The following TCF4 variants were observed in gnomAD, a reference collection of about 807,000 sequenced individuals.
TCF4 encodes the protein SL3-3 enhancer factor 2.
Under a neutral mutation model 82.1 loss-of-function variants are expected in TCF4, and 3 were observed. The ratio of observed to expected loss-of-function variants is 0.04; its 90% CI spans 0.02 to 0.09. The LOEUF is 0.09. Ranked by LOEUF, TCF4 falls within the 10% of genes least tolerant of loss-of-function variation. The pLI, the probability that TCF4 is intolerant of heterozygous loss-of-function variation, is 1.00. For synonymous variants in TCF4, 276 were observed against 309.6 expected, an observed-to-expected ratio of 0.89 and a Z score of 1.14; for missense variants, 518 against 852.7, an observed-to-expected ratio of 0.61 and a Z score of 4.89.
chr18:55,258,785 T>C (rs1440780270), intron 13 of TCF4, among the ~76,000 whole-genome samples: 1 of 152,188 alleles, frequency 6.6e-6, no homozygotes, highest in Non-Finnish European at 1.5e-5. Context: ...TACTGACAAT[T>C]GAAATCATTT....
At chr18:55,424,858 C>T (rs531596859) in intron 5 of TCF4, among the ~76,000 whole-genome samples, 1 of 152,146 alleles carries the variant, frequency 6.6e-6, no homozygotes, top group Non-Finnish European at 1.5e-5. Context: ...TTAGGAGATG[C>T]CTGCTCATCC....
chr18:55,504,428 G>A (rs1287370775), intron 3 of TCF4, among the ~76,000 whole-genome samples: 4 of 152,276 alleles, frequency 2.6e-5, no homozygotes, highest in Middle Eastern at 3.4e-3. Context: ...ACTAATATTT[G>A]AGTAAAACTA....
chr18:55,505,672 C>T (rs982411629), intron 3 of TCF4, among the ~76,000 whole-genome samples: 7 of 150,860 alleles, frequency 4.6e-5, no homozygotes, highest in Admixed American at 2.0e-4. Flanking sequence ...GGCGTAGTGG[C>T]GGGCGCCTGT....
intron 2 of TCF4, among the ~76,000 whole-genome samples, chr18:55,597,467 C>A (rs1475527197): frequency 6.6e-6 from 1 of 152,040 alleles, no homozygotes; most frequent in Non-Finnish European, 1.5e-5. Flanking sequence ...AAGTTCAAGA[C>A]CAGCCTGGCC....
At chr18:55,316,826 T>C (rs1254926510) in intron 8 of TCF4, among the ~76,000 whole-genome samples, 2 of 152,092 alleles carry the variant, frequency 1.3e-5, no homozygotes, top group East Asian at 3.8e-4. Context: ...TAATTCTGCC[T>C]GCAATAATGC....
intron 5 of TCF4, among the ~76,000 whole-genome samples, chr18:55,414,437 T>A (rs1265358496): frequency 6.6e-6 from 1 of 152,134 alleles, no homozygotes; most frequent in Non-Finnish European, 1.5e-5. Flanking sequence ...TTAGAAAAAT[T>A]TGCAATGTAA....
chr18:55,506,402 A>G (rs1191350797), intron 3 of TCF4, among the ~76,000 whole-genome samples: 1 of 152,224 alleles, frequency 6.6e-6, no homozygotes, highest in Non-Finnish European at 1.5e-5. Flanking sequence ...TTTTGATAAT[A>G]TATTTTATTT....
At chr18:55,564,923 C>A (rs776099022) in intron 3 of TCF4, among the ~76,000 whole-genome samples, 2 of 152,074 alleles carry the variant, frequency 1.3e-5, no homozygotes, top group African/African-American at 2.4e-5. Context: ...TGCTAATAAC[C>A]AGATGATAAC....
At chr18:55,451,374 C>A (rs1292678515) in intron 5 of TCF4, among the ~76,000 whole-genome samples, 1 of 152,152 alleles carries the variant, frequency 6.6e-6, no homozygotes, top group Admixed American at 6.5e-5. Context: ...CCTGTCCTCA[C>A]CTGGGAAACC....
intron 8 of TCF4, among the ~76,000 whole-genome samples, chr18:55,308,846 T>C (rs984927912): frequency 2.0e-5 from 3 of 152,212 alleles, no homozygotes; most frequent in African/African-American, 7.2e-5. Flanking sequence ...TTGGAATATA[T>C]AGCAGCAATG....
intron 3 of TCF4, among the ~76,000 whole-genome samples, chr18:55,484,826 C>T (rs187250423): frequency 3.3e-5 from 5 of 152,316 alleles, no homozygotes; most frequent in Non-Finnish European, 7.4e-5. Context: ...GGTCCAATAT[C>T]TATTTTTCTC....
intron 3 of TCF4, chr18:55,469,709 G>A (rs1215172934): frequency 6.6e-6 from 1 of 152,200 alleles, no homozygotes; most frequent in Non-Finnish European, 1.5e-5. Context: ...AGCACTGGGA[G>A]TTGGGATAAA....
chr18:55,356,797 A>G (rs1301293288), intron 6 of TCF4, among the ~76,000 whole-genome samples: 1 of 152,224 alleles, frequency 6.6e-6, no homozygotes, highest in African/African-American at 2.4e-5. Context: ...CATCACAAAA[A>G]AATAAAAATA....
At chr18:55,575,824 A>C (rs2097523781) in intron 3 of TCF4, among the ~76,000 whole-genome samples, 3 of 152,216 alleles carry the variant, frequency 2.0e-5, no homozygotes, top group African/African-American at 2.4e-5. Context: ...TTTCATTAAA[A>C]GGTATATCTG....
intron 5 of TCF4, among the ~76,000 whole-genome samples, chr18:55,458,436 G>A (rs2095808870): frequency 2.0e-5 from 3 of 152,128 alleles, no homozygotes; most frequent in African/African-American, 4.8e-5. Flanking sequence ...CACAAAGTGC[G>A]GTTTAGAACA....
At chr18:55,343,087 C>T (rs2080356465) in intron 8 of TCF4, among the ~76,000 whole-genome samples, 1 of 152,022 alleles carries the variant, frequency 6.6e-6, no homozygotes, top group Non-Finnish European at 1.5e-5. Context: ...TCCTAAAATC[C>T]CTAATGGTAA....
rs781451635 is a variant in TCF4 at position 55,321,841 on chromosome 18, T to G, written c.549+28518A>C. On this transcript the variant is annotated intron_variant, in intron 8 of 19. Coordinates refer to ENST00000354452, the MANE Select transcript of TCF4 (RefSeq NM_001083962.2). ...ATTCCTTCAGTTGCATTTTCCCATA[T>G]GGCCGGGCCAAGCGTGGTGAATATG... is the stretch of plus-strand genomic sequence containing the variant. 5.5e-4 allele frequency: 814 copies of G among 1,487,100 alleles called. 2 individuals are homozygous for G. The highest frequency in any genetic ancestry group is 6.8e-4 in the Non-Finnish European group (765 of 1,118,166). 92.1% of individuals were successfully genotyped at this position (1,487,100 alleles called of 1,614,324 possible). A position where few individuals can be genotyped will look rare whatever the true frequency, so the allele number is the denominator to read the frequency against.
chr18:55,322,200 C>T (rs1409321627), intron 8 of TCF4: 2 of 1,056,552 alleles, frequency 1.9e-6, no homozygotes, highest in African/African-American at 3.4e-5. Flanking sequence ...GGAACAGGGT[C>T]CATTATTGAG....
chr18:55,557,602 ATTT>A (rs906314895), intron 3 of TCF4, among the ~76,000 whole-genome samples: 1 of 152,180 alleles, frequency 6.6e-6, no homozygotes, highest in Non-Finnish European at 1.5e-5. Flanking sequence ...GCTGCTATCA[ATTT>A]TTTTCTTGTT....
Sources: allele counts gnomAD v4.1 joint callset (sites outside exome capture counted in the v4.1 genomes callset), GRCh38; gene constraint gnomAD v4.1.1; transcripts MANE v1.5; gene names NCBI Gene and HGNC (gene_info 2026-07-23, HGNC 2026-07-21).